MEF2A: variants seen among roughly 807,000 people sequenced by gnomAD.
MEF2A encodes myocyte enhancer factor 2A.
MEF2A carries 28 observed loss-of-function variants against 55.8 expected under a neutral mutation model. The ratio of observed to expected loss-of-function variants is 0.50; its 90% CI spans 0.37 to 0.69. The LOEUF (loss-of-function observed/expected upper bound fraction) is 0.69. MEF2A is among the 30% of genes least tolerant of loss of function. MEF2A has a pLI of 0.00. For missense variants in MEF2A, 528 were observed against 626.2 expected (o/e 0.84, Z 1.67); for synonymous variants, 239 against 227.1 (o/e 1.05, Z -0.47).
chr15:99,591,360 G>T (rs1476227217), intron 1 of MEF2A, among the ~76,000 whole-genome samples: 1 of 151,812 alleles, frequency 6.6e-6, no homozygotes, highest in Middle Eastern at 3.2e-3. Flanking sequence ...TAATTCCTTT[G>T]TTGTAAACTT....
At chr15:99,659,421 A>G (rs1219285312) in intron 4 of MEF2A, among the ~76,000 whole-genome samples, 3 of 152,170 alleles carry the variant, frequency 2.0e-5, no homozygotes, top group Non-Finnish European at 4.4e-5. Context: ...AGGGGTGATA[A>G]GATCATGGAG....
At chr15:99,593,868 CTTCT>C (rs1315961524) in intron 1 of MEF2A, among the ~76,000 whole-genome samples, 1 of 152,004 alleles carries the variant, frequency 6.6e-6, no homozygotes, top group East Asian at 1.9e-4. Context: ...TCAGGAGTAC[CTTCT>C]ATTAAAAAAG....
intron 5 of MEF2A, among the ~76,000 whole-genome samples, chr15:99,674,146 G>A (rs2051426328): frequency 6.6e-6 from 1 of 152,040 alleles, no homozygotes; most frequent in Non-Finnish European, 1.5e-5. Context: ...ATGAATATTT[G>A]AAATATAGAA....
At chr15:99,645,455 A>G in intron 3 of MEF2A, 106 bp from the exon 4 acceptor site, 2 of 818,032 alleles carry the variant, frequency 2.4e-6, no homozygotes, top group Non-Finnish European at 3.8e-6. Context: ...AACCTTTTCC[A>G]TCTTTGAAAT....
intron 7 of MEF2A, among the ~76,000 whole-genome samples, chr15:99,685,559 A>C (rs903067576): frequency 6.6e-6 from 1 of 152,134 alleles, no homozygotes; most frequent in Non-Finnish European, 1.5e-5. Context: ...AATCCAGTAA[A>C]GATGTCATAG....
chr15:99,621,818 A>T (rs546838840), intron 2 of MEF2A, among the ~76,000 whole-genome samples: 76 of 152,290 alleles, frequency 5.0e-4, no homozygotes, highest in African/African-American at 1.8e-3. Flanking sequence ...TCAGTTGTTG[A>T]TTGTACATAA....
intron 9 of MEF2A, 151 bp from the exon 10 acceptor site, chr15:99,706,578 C>T (rs773521804): frequency 2.3e-5 from 17 of 730,762 alleles, no homozygotes; most frequent in Non-Finnish European, 3.9e-5. Flanking sequence ...TTTAGTTATT[C>T]TCACTAGTAT....
chr15:99,709,725 C>A (rs988940128), intron 10 of MEF2A, among the ~76,000 whole-genome samples: 5 of 152,244 alleles, frequency 3.3e-5, no homozygotes, highest in East Asian at 1.9e-4. Context: ...GAAATAACTC[C>A]CCGTGTGAGT....
At chr15:99,686,671 T>C (rs1011068949) in intron 7 of MEF2A, among the ~76,000 whole-genome samples, 1 of 152,250 alleles carries the variant, frequency 6.6e-6, no homozygotes, top group Non-Finnish European at 1.5e-5. Flanking sequence ...GTCTTCACTT[T>C]AGATAATCTG....
chr15:99,703,242 G>T, intron 8 of MEF2A, 120 bp from the exon 9 acceptor site: 2 of 849,722 alleles, frequency 2.4e-6, no homozygotes, highest in Non-Finnish European at 3.9e-6. Context: ...GTATATAATC[G>T]TCTCTTTAGA....
chr15:99,635,465 T>C (rs2043631764), intron 3 of MEF2A, among the ~76,000 whole-genome samples: 1 of 152,172 alleles, frequency 6.6e-6, no homozygotes, highest in Non-Finnish European at 1.5e-5. Flanking sequence ...GTAAACCGTA[T>C]TAAAGTATAA....
At chr15:99,617,952 A>G (rs2040485536) in intron 2 of MEF2A, among the ~76,000 whole-genome samples, 1 of 152,158 alleles carries the variant, frequency 6.6e-6, no homozygotes, top group African/African-American at 2.4e-5. Context: ...AACAGTGTTT[A>G]TTTGTAAATT....
intron 2 of MEF2A, among the ~76,000 whole-genome samples, chr15:99,605,155 C>T (rs1974591323): frequency 6.6e-6 from 1 of 152,136 alleles, no homozygotes; most frequent in Non-Finnish European, 1.5e-5. Flanking sequence ...GCCATGCTGG[C>T]CAGGCTGGTC....
chr15:99,575,480 G>C (rs1963979545), intron 1 of MEF2A, among the ~76,000 whole-genome samples: 1 of 152,116 alleles, frequency 6.6e-6, no homozygotes, highest in Non-Finnish European at 1.5e-5. Flanking sequence ...TGTAAGTGAT[G>C]GTATATCCTC....
chr15:99,591,484 C>CCG (rs1427800266), intron 1 of MEF2A, among the ~76,000 whole-genome samples: 1 of 152,030 alleles, frequency 6.6e-6, no homozygotes, highest in Non-Finnish European at 1.5e-5. Context: ...GACTGGATTT[C>CCG]TATTATGTGC....
intron 4 of MEF2A, among the ~76,000 whole-genome samples, chr15:99,646,316 T>G (rs866210793): frequency 5.9e-5 from 9 of 152,136 alleles, no homozygotes; most frequent in Non-Finnish European, 8.8e-5. Flanking sequence ...ATTATTAGAA[T>G]GATCTTCTCA....
intron 2 of MEF2A, among the ~76,000 whole-genome samples, chr15:99,610,769 T>A (rs1976971601): frequency 6.6e-6 from 1 of 152,202 alleles, no homozygotes; most frequent in Admixed American, 6.5e-5. Context: ...TATACAAGAA[T>A]TGGCTCAAAG....
intron 8 of MEF2A, among the ~76,000 whole-genome samples, chr15:99,691,461 G>C (rs1303064927): frequency 6.6e-6 from 1 of 152,134 alleles, no homozygotes; most frequent in African/African-American, 2.4e-5. Context: ...ACTTTGGGAT[G>C]CCAGGGCGGG....
chr15:99,668,007 C>T (rs914842217), intron 4 of MEF2A, among the ~76,000 whole-genome samples: 3 of 151,878 alleles, frequency 2.0e-5, no homozygotes, highest in East Asian at 1.9e-4. Context: ...TTAAATCCTG[C>T]GTTTTGTACC....
Sources: allele counts gnomAD v4.1 joint callset (sites outside exome capture counted in the v4.1 genomes callset), GRCh38; gene constraint gnomAD v4.1.1; transcripts MANE v1.5; gene names NCBI Gene and HGNC (gene_info 2026-07-23, HGNC 2026-07-21).